CNOT9: variants seen among roughly 807,000 people sequenced by gnomAD.
The protein encoded by CNOT9 is RCD1 required for cell differentiation1 homolog.
Under a neutral mutation model 37.4 loss-of-function variants are expected in CNOT9, and 8 were observed. That is an observed-to-expected ratio of 0.21 (90% CI 0.13 to 0.39). The LOEUF is 0.39. Among genes scored for constraint, CNOT9 ranks in the 10% least tolerant of loss-of-function variants. CNOT9 has a pLI of 1.00. For missense variants in CNOT9, 154 were observed against 365.3 expected, an observed-to-expected ratio of 0.42 and a Z score of 4.71; for synonymous variants, 120 against 137.6, an observed-to-expected ratio of 0.87 and a Z score of 0.90.
intron 1 of CNOT9, among the ~76,000 whole-genome samples, chr2:218,578,772 A>G (rs1337708924): frequency 2.6e-5 from 4 of 152,180 alleles, no homozygotes; most frequent in Admixed American, 2.0e-4. Context: ...AGGGGTAGCA[A>G]TTATCATTTT....
At position 218,595,591 on chromosome 2, in the gene CNOT9, G is replaced by T. The variant is rs750689946; in HGVS notation, c.*1315G>T. On this transcript the variant is annotated 3_prime_UTR_variant, in exon 8 of 8. Transcript: ENST00000273064. ...TAGTGTAAACTGCCTTGCTTTCCCC[G>T]GTTCTTTCCCCTGCTAGCACCTGCT... 1 of 151,364 alleles carries T rather than the reference G, an allele frequency of 6.6e-6. No homozygotes were observed. The highest frequency in any genetic ancestry group is 1.5e-5 in the Non-Finnish European group (1 of 67,824). 9.4% of individuals were successfully genotyped at this position (151,364 alleles called of 1,614,324 possible). A position where few individuals can be genotyped will look rare whatever the true frequency, so the allele number is the denominator to read the frequency against.
Position 218,580,466 on chromosome 2 carries a change from T to C in CNOT9, c.25-95T>C, listed in dbSNP as rs542202934. 74 of 1,022,510 alleles carry C rather than the reference T, an allele frequency of 7.2e-5. No homozygotes were observed. The South Asian group carries it at 1.3e-3, about 18-fold the overall frequency. 63.3% of individuals were successfully genotyped at this position (1,022,510 alleles called of 1,614,324 possible). A position where few individuals can be genotyped will look rare whatever the true frequency, so the allele number is the denominator to read the frequency against. On this transcript the variant is annotated intron_variant, in intron 1 of 7. Coordinates refer to ENST00000273064, the MANE Select transcript of CNOT9 (RefSeq NM_005444.3). Reference sequence around the variant, plus strand: ...GTATTTAGAAACGCTCCCCTGGTATTCATGAAAAATATATTTCCTCTAAAA... The same window carrying C: ...GTATTTAGAAACGCTCCCCTGGTATCCATGAAAAATATATTTCCTCTAAAA...
intron 3 of CNOT9, 32 bp from the exon 4 acceptor site, chr2:218,584,580 G>A: frequency 6.8e-7 from 1 of 1,472,698 alleles, no homozygotes; most frequent in Non-Finnish European, 9.5e-7. Context: ...AATCAACCCT[G>A]GGCTGTGAAT....
Position 218,580,941 on chromosome 2 carries a change from G to T in CNOT9, c.204+201G>T, listed in dbSNP as rs1209814713. 6.0e-6 allele frequency: 4 copies of T among 663,406 alleles called. No individual in the cohort carries two copies. The East Asian group carries it at 1.2e-4, about 20-fold the overall frequency. The allele number at this position is 663,406 out of a possible 1,614,324, so 41.1% of individuals were successfully genotyped here. ...TTACCCAAGAGATTCAATTTAGTCAGTCTGAGGTGGGCCCTATAATCTATA... is the reference window on the plus strand; with the variant it reads ...TTACCCAAGAGATTCAATTTAGTCATTCTGAGGTGGGCCCTATAATCTATA... On this transcript the variant is annotated intron_variant, in intron 2 of 7. Transcript: ENST00000273064.
chr2:218,596,979 T>G lies in CNOT9; in HGVS notation c.*2703T>G, dbSNP rs1167262450. On this transcript the variant is annotated 3_prime_UTR_variant, in exon 8 of 8. Coordinates refer to ENST00000273064, the MANE Select transcript of CNOT9 (RefSeq NM_005444.3). ...TGGTAGCCTTCAGAGCATGCCTTGC[T>G]TACTAACTACATATTATTCCTCTGC... 6.6e-6 allele frequency: 1 copy of G among 152,170 alleles called. No individual in the cohort carries two copies. The allele number at this position is 152,170 out of a possible 1,614,324, so 9.4% of individuals were successfully genotyped here. A position where few individuals can be genotyped will look rare whatever the true frequency, so the allele number is the denominator to read the frequency against.
chr2:218,592,131 G>A lies in CNOT9; in HGVS notation c.541-173G>A, dbSNP rs1213364726. On this transcript the variant is annotated intron_variant, in intron 5 of 7. Transcript: ENST00000273064. This position sits in a 1 kb window ranked among gnomAD's most constrained non-coding sequence, Gnocchi z 4.1. Reference sequence around the variant, plus strand: ...ACTGGTACAAAGTAATGTTCAACATGGTAATATTTATTATTCTTTGTACTA... The same window carrying A: ...ACTGGTACAAAGTAATGTTCAACATAGTAATATTTATTATTCTTTGTACTA... Among the ~76,000 whole-genome samples the A allele has an allele frequency of 1.3e-5, 2 of 152,072 alleles. No homozygotes were observed. The highest frequency in any genetic ancestry group is 4.8e-5 in the African/African-American group (2 of 41,408).
At chr2:218,570,564 G>A (rs2106075520) in intron 1 of CNOT9, among the ~76,000 whole-genome samples, 1 of 152,220 alleles carries the variant, frequency 6.6e-6, no homozygotes, top group East Asian at 1.9e-4. Context: ...TGTAACGTGG[G>A]GAAAAGCAAG....
In CNOT9 at chr2:218,594,700, GGAAGACTCAA is replaced by G. The variant is rs1694881314; in HGVS notation, c.*427_*436del. Reference sequence around the variant, plus strand: ...GTGGCGTTTTTTATTTTGCCTTTCTGGAAGACTCAAGATATGTCTCTTCATTCTCTCTCAG... The same window carrying G: ...GTGGCGTTTTTTATTTTGCCTTTCTGGATATGTCTCTTCATTCTCTCTCAG... On this transcript the variant is annotated 3_prime_UTR_variant, in exon 8 of 8. Coordinates refer to ENST00000273064, the MANE Select transcript of CNOT9 (RefSeq NM_005444.3). 1 of 166,426 alleles carries G rather than the reference GGAAGACTCAA, an allele frequency of 6.0e-6. No homozygotes were observed. The highest frequency in any genetic ancestry group is 6.1e-5 in the Admixed American group (1 of 16,398). 10.3% of individuals were successfully genotyped at this position (166,426 alleles called of 1,614,324 possible). A position where few individuals can be genotyped will look rare whatever the true frequency, so the allele number is the denominator to read the frequency against.
At chr2:218,575,992 T>G (rs1339913882) in intron 1 of CNOT9, among the ~76,000 whole-genome samples, 3 of 152,186 alleles carry the variant, frequency 2.0e-5, no homozygotes, top group Non-Finnish European at 4.4e-5. Context: ...ATCTGCCTGT[T>G]GTCTGCCCAT....
intron 1 of CNOT9, among the ~76,000 whole-genome samples, chr2:218,572,067 T>A (rs1178505647): frequency 6.6e-6 from 1 of 150,598 alleles, no homozygotes; most frequent in Non-Finnish European, 1.5e-5. Context: ...ATGCCTGTAA[T>A]CCCAGCACTT....
At chr2:218,577,210 A>G (rs1694203429) in intron 1 of CNOT9, among the ~76,000 whole-genome samples, 1 of 152,166 alleles carries the variant, frequency 6.6e-6, no homozygotes, top group Non-Finnish European at 1.5e-5. Flanking sequence ...GTATGTTTTA[A>G]GCTCTCATTT....
intron 1 of CNOT9, among the ~76,000 whole-genome samples, chr2:218,569,198 T>C (rs748674508): frequency 1.6e-4 from 25 of 152,154 alleles, no homozygotes; most frequent in Non-Finnish European, 3.1e-4. Flanking sequence ...ACCCATCGCG[T>C]TCTTTGCGGG....
At chr2:218,572,463 T>C (rs1467690195) in intron 1 of CNOT9, among the ~76,000 whole-genome samples, 1 of 152,190 alleles carries the variant, frequency 6.6e-6, no homozygotes, top group Non-Finnish European at 1.5e-5. Flanking sequence ...CCCAGCACTT[T>C]GGGAGGCCAA....
At position 218,594,456 on chromosome 2, in the gene CNOT9, G is replaced by A; in HGVS notation, c.*180G>A. ...ATGGGCTGCCATCTCAGGCTGTCTT[G>A]AGGACCTGGGCTCCCTCTGCTACTC... On this transcript the variant is annotated 3_prime_UTR_variant, in exon 8 of 8. Coordinates refer to ENST00000273064, the MANE Select transcript of CNOT9 (RefSeq NM_005444.3). The A allele has an allele frequency of 1.5e-6, 1 of 668,806 alleles. No individual in the cohort carries two copies. The highest frequency in any genetic ancestry group is 2.5e-6 in the Non-Finnish European group (1 of 407,236). The allele number at this position is 668,806 out of a possible 1,614,324, so 41.4% of individuals were successfully genotyped here.
chr2:218,579,703 G>A (rs1482429479), intron 1 of CNOT9, among the ~76,000 whole-genome samples: 1 of 152,014 alleles, frequency 6.6e-6, no homozygotes, highest in Non-Finnish European at 1.5e-5. Flanking sequence ...TAGCCAGGAT[G>A]GTCTCAATCT....
At chr2:218,569,890 C>T (rs1693916361) in intron 1 of CNOT9, among the ~76,000 whole-genome samples, 1 of 152,204 alleles carries the variant, frequency 6.6e-6, no homozygotes, top group Non-Finnish European at 1.5e-5. Flanking sequence ...CTGCCTAAAT[C>T]GGTCTCAGAG....
At chr2:218,583,225 GTGTGTGTGTCTCTCTCTCTCTC>G (rs1694467410) in intron 3 of CNOT9, 139 bp downstream of exon 3, 79 of 322,778 alleles carry the variant, frequency 2.4e-4, no homozygotes, top group African/African-American at 1.7e-3. Context: ...GTGTGTGTGT[GTGTGTGTGTCTCTCTCTCTCTC>G]TCTCTCTCTC....
At chr2:218,585,638 A>ATT (rs535660050) in intron 4 of CNOT9, among the ~76,000 whole-genome samples, 18 of 41,908 alleles carry the variant, frequency 4.3e-4, no homozygotes, top group African/African-American at 5.1e-4. Flanking sequence ...TTTTTATTTT[A>ATT]TTTTTTTTTT....
chr2:218,570,366 A>C (rs561094884), intron 1 of CNOT9, among the ~76,000 whole-genome samples: 1 of 152,368 alleles, frequency 6.6e-6, no homozygotes, highest in Admixed American at 6.5e-5. Context: ...GCCAAGTATG[A>C]CTAAGCTATA....
Sources: allele counts gnomAD v4.1 joint callset (sites outside exome capture counted in the v4.1 genomes callset), GRCh38; gene constraint gnomAD v4.1.1; non-coding constraint Gnocchi (gnomAD v3.1); transcripts MANE v1.5; gene names NCBI Gene and HGNC (gene_info 2026-07-23, HGNC 2026-07-21).